ATP6V1A: variants seen among roughly 807,000 people sequenced by gnomAD.
ATP6V1A encodes the protein V-type proton ATPase catalytic subunit A.
ATP6V1A carries 18 observed loss-of-function variants against 70.1 expected under a neutral mutation model. That is an observed-to-expected ratio of 0.26 (90% CI 0.18 to 0.38). ATP6V1A has a LOEUF of 0.38. Ranked by LOEUF, ATP6V1A falls within the 10% of genes least tolerant of loss-of-function variation. The pLI, the probability that ATP6V1A is intolerant of heterozygous loss-of-function variation, is 1.00. For synonymous variants in ATP6V1A, 232 were observed against 253.8 expected (o/e 0.91, Z 0.82); for missense variants, 424 against 772.4 (o/e 0.55, Z 5.35).
At chr3:113,750,380 G>A (rs575626463) in intron 1 of ATP6V1A, among the ~76,000 whole-genome samples, 1 of 152,328 alleles carries the variant, frequency 6.6e-6, no homozygotes, top group African/African-American at 2.4e-5. Flanking sequence ...TACTCAGGAG[G>A]CTGAGGCAGG....
rs569309562 is a variant in ATP6V1A at position 113,773,131 on chromosome 3, G to A, written c.-13-5610G>A. ...TTTTTTGTATTTTTAGTAGAGGCGGGGTTTCACCATGTTGGTCAGGCTGGT... is the reference window on the plus strand; with the variant it reads ...TTTTTTGTATTTTTAGTAGAGGCGGAGTTTCACCATGTTGGTCAGGCTGGT... On this transcript the variant is annotated intron_variant, in intron 1 of 14. Transcript: ENST00000273398. Among the ~76,000 whole-genome samples, 100 of 151,620 alleles carry A rather than the reference G, an allele frequency of 6.6e-4. 1 individual carries two copies. In the Middle Eastern group the frequency reaches 0.014, roughly 21 times the overall value.
chr3:113,771,248 G>C (rs184399835), intron 1 of ATP6V1A, among the ~76,000 whole-genome samples: 86 of 152,098 alleles, frequency 5.7e-4, no homozygotes, highest in Non-Finnish European at 7.1e-4. Context: ...GATTTTAATG[G>C]GATATTTTTA....
At position 113,795,227 on chromosome 3, in the gene ATP6V1A, T is replaced by C. The variant is rs1295966520; in HGVS notation, c.1226+23T>C. The C allele has an allele frequency of 1.9e-6, 3 of 1,602,406 alleles. No homozygotes were observed. In the East Asian group the frequency reaches 6.7e-5, roughly 36 times the overall value. Reference sequence around the variant, plus strand: ...AGCGTAAGCACCCACACTATTTACTTTGCAAAAGGAAAAAAGTCACAGATG... The same window carrying C: ...AGCGTAAGCACCCACACTATTTACTCTGCAAAAGGAAAAAAGTCACAGATG... On this transcript the variant is annotated intron_variant, in intron 10 of 14. Coordinates refer to ENST00000273398, the MANE Select transcript of ATP6V1A (RefSeq NM_001690.4).
Position 113,801,931 on chromosome 3 carries a change from AAC to A in ATP6V1A, c.1495-1650_1495-1649del, listed in dbSNP as rs1559760915. Among the ~76,000 whole-genome samples, 8 of 151,642 alleles carry A rather than the reference AAC, an allele frequency of 5.3e-5. 2 individuals are homozygous for A. The highest frequency in any genetic ancestry group is 1.0e-4 in the Non-Finnish European group (7 of 67,890). ...AAAAGGGATTTACAAAAAAAAAAAAAACAAAACTGGAGACCTGATCCATAATG... is the reference window on the plus strand; with the variant it reads ...AAAAGGGATTTACAAAAAAAAAAAAAAAAACTGGAGACCTGATCCATAATG... On this transcript the variant is annotated intron_variant, in intron 12 of 14. Transcript: ENST00000273398.
At chr3:113,807,184 C>T (rs1168861927) in intron 14 of ATP6V1A, among the ~76,000 whole-genome samples, 11 of 131,758 alleles carry the variant, frequency 8.3e-5, no homozygotes, top group African/African-American at 1.4e-4. Flanking sequence ...CTTTTTTTTT[C>T]TTTTTTTTTT....
intron 12 of ATP6V1A, among the ~76,000 whole-genome samples, chr3:113,801,601 T>A (rs971514979): frequency 2.6e-5 from 4 of 152,068 alleles, no homozygotes; most frequent in Admixed American, 6.6e-5. Context: ...TAAGTGGATG[T>A]TTGTGATGGT....
At chr3:113,782,555 TAC>T (rs1451358673) in intron 3 of ATP6V1A, among the ~76,000 whole-genome samples, 7 of 146,964 alleles carry the variant, frequency 4.8e-5, no homozygotes, top group Admixed American at 2.7e-4. Flanking sequence ...TATATATATA[TAC>T]ATGTGTATAT....
rs1559759972 is a variant in ATP6V1A, at chr3:113,798,344, C to T, written c.1392C>T (p.Tyr464=). ...YSKYMRALDE[Y]YDKHFTEFVP... is the part of the protein sequence containing the mutation. ...AGTATATGCGTGCCTTGGATGAATA[C>T]TATGACAAACACTTCACAGAGTTCG... Residue 464 remains tyrosine (Y), a synonymous_variant, in exon 12 of 15, where the codon TAC becomes TAT. Coordinates refer to ENST00000273398, the MANE Select transcript of ATP6V1A (RefSeq NM_001690.4). 6.2e-7 allele frequency: 1 copy of T among 1,613,812 alleles called. No individual in the cohort carries two copies. The highest frequency in any genetic ancestry group is 1.1e-5 in the South Asian group (1 of 91,074).
chr3:113,767,206 C>T (rs1404700915), intron 1 of ATP6V1A, among the ~76,000 whole-genome samples: 2 of 151,284 alleles, frequency 1.3e-5, no homozygotes, highest in Non-Finnish European at 2.9e-5. Flanking sequence ...ATTCTCCTGC[C>T]TCAGCGCCCC....
intron 3 of ATP6V1A, 43 bp downstream of exon 3, chr3:113,781,221 A>G (rs766679383): frequency 1.3e-6 from 2 of 1,567,862 alleles, no homozygotes; most frequent in East Asian, 2.3e-5. Context: ...CTATATTTCA[A>G]AATTTAAGGA....
intron 11 of ATP6V1A, 90 bp from the exon 12 acceptor site, chr3:113,798,153 T>C (rs980170580): frequency 7.0e-7 from 1 of 1,426,520 alleles, no homozygotes; most frequent in African/African-American, 1.4e-5. Flanking sequence ...AAAAAAGAAT[T>C]GCATAGTTGG....
In ATP6V1A at chr3:113,811,803, T is replaced by TA. The variant is rs1030259488; in HGVS notation, c.*2381dup. On this transcript the variant is annotated 3_prime_UTR_variant, in exon 15 of 15. Transcript: ENST00000273398. ...ATGTGTTAAAATTACAATGATCTTTTAAAAAGATGATGCAGTTCTGTATTT... is the reference window on the plus strand; with the variant it reads ...ATGTGTTAAAATTACAATGATCTTTTAAAAAAGATGATGCAGTTCTGTATTT... 1.3e-5 allele frequency: 2 copies of TA among 152,642 alleles called. No individual in the cohort carries two copies. The highest frequency in any genetic ancestry group is 2.9e-5 in the Non-Finnish European group (2 of 68,036). The allele number at this position is 152,642 out of a possible 1,614,324, so 9.5% of individuals were successfully genotyped here.
chr3:113,748,726 A>G (rs946852106), intron 1 of ATP6V1A, among the ~76,000 whole-genome samples: 1 of 152,214 alleles, frequency 6.6e-6, no homozygotes, highest in Non-Finnish European at 1.5e-5. Context: ...AACCTCGGAG[A>G]TGTTGCTTTC....
At chr3:113,782,662 C>T (rs779479323) in intron 3 of ATP6V1A, among the ~76,000 whole-genome samples, 2 of 149,764 alleles carry the variant, frequency 1.3e-5, no homozygotes, top group Non-Finnish European at 3.0e-5. Context: ...CTCACTCTGT[C>T]GCCCAGGCTG....
At position 113,809,500 on chromosome 3, in the gene ATP6V1A, C is replaced by G; in HGVS notation, c.*73C>G. On this transcript the variant is annotated 3_prime_UTR_variant, in exon 15 of 15. Transcript: ENST00000273398. ...TATGTGTATATTTTCCTGAATTTCTCATCTCAAACCCTTTGCTTCTTTATT... is the reference window on the plus strand; with the variant it reads ...TATGTGTATATTTTCCTGAATTTCTGATCTCAAACCCTTTGCTTCTTTATT... 3.1e-5 allele frequency: 42 copies of G among 1,335,204 alleles called. No homozygotes were observed. The highest frequency in any genetic ancestry group is 4.3e-5 in the Non-Finnish European group (41 of 949,652). The allele number at this position is 1,335,204 out of a possible 1,614,324, so 82.7% of individuals were successfully genotyped here. A position where few individuals can be genotyped will look rare whatever the true frequency, so the allele number is the denominator to read the frequency against.
intron 1 of ATP6V1A, among the ~76,000 whole-genome samples, chr3:113,755,916 G>C (rs2108008643): frequency 6.6e-6 from 1 of 152,218 alleles, no homozygotes; most frequent in Non-Finnish European, 1.5e-5. Context: ...CATTGATACA[G>C]TTAAAACTGC....
intron 12 of ATP6V1A, chr3:113,801,280 C>T (rs1277594497): frequency 6.6e-6 from 1 of 151,186 alleles, no homozygotes; most frequent in African/African-American, 2.4e-5. Context: ...GTACAAAGAT[C>T]TCCTGTAAGT....
chr3:113,755,647 T>C (rs373707218), intron 1 of ATP6V1A, among the ~76,000 whole-genome samples: 2 of 152,244 alleles, frequency 1.3e-5, no homozygotes, highest in East Asian at 3.9e-4. Flanking sequence ...GCTCAGTCAA[T>C]TAGGTGCAAT....
intron 1 of ATP6V1A, among the ~76,000 whole-genome samples, chr3:113,774,819 A>C (rs953497474): frequency 1.3e-5 from 2 of 152,030 alleles, no homozygotes; most frequent in African/African-American, 4.8e-5. Flanking sequence ...TCTCAAAAAA[A>C]AAAGAAAAGA....
Sources: allele counts gnomAD v4.1 joint callset (sites outside exome capture counted in the v4.1 genomes callset), GRCh38; gene constraint gnomAD v4.1.1; transcripts MANE v1.5; gene names NCBI Gene and HGNC (gene_info 2026-07-23, HGNC 2026-07-21).